Variants in ALMS1 observed in about 807,000 individuals in gnomAD.
ALMS1 encodes the protein centrosome-associated protein ALMS1.
ALMS1 carries 271 observed loss-of-function variants against 352.2 expected under a neutral mutation model. That is an observed-to-expected ratio of 0.77 (90% CI 0.70 to 0.85). The LOEUF is 0.85. ALMS1 is among the 40% of genes least tolerant of loss of function. ALMS1 has a pLI of 0.00. For synonymous variants in ALMS1, 1,865 were observed against 1,761.2 expected, an observed-to-expected ratio of 1.06 and a Z score of -1.48; for missense variants, 5,445 against 4,870.7, an observed-to-expected ratio of 1.12 and a Z score of -3.51.
chr2:73,583,039 T>TA (rs1675221932), intron 16 of ALMS1, among the ~76,000 whole-genome samples: 2 of 132,474 alleles, frequency 1.5e-5, no homozygotes, highest in African/African-American at 7.0e-5. Context: ...TACCAACACT[T>TA]GTTTTTTTTT....
chr2:73,423,133 A>G lies in ALMS1; in HGVS notation c.764+159A>G, dbSNP rs1464162368. The stretch of plus-strand genomic sequence containing the variant: ...AGTCCTGTACTAAGACTTGATGCAT[A>G]TTAATTTGGCAGAGTAACGTATGTG... On this transcript the variant is annotated intron_variant, in intron 4 of 22. Transcript: ENST00000613296. 2.0e-5 allele frequency among the ~76,000 whole-genome samples: 3 copies of G among 152,232 alleles called. 1 individual carries two copies. Among genetic ancestry groups the G allele is most frequent in the Admixed American group, 1.3e-4 (2 of 15,278 alleles).
Position 73,451,268 on chromosome 2 carries a change from T to C in ALMS1, c.4741T>C (p.Tyr1581His). Reference protein sequence around the residue: ...YSFGEKPIVNYKQAFPDGHLP... With the variant: ...YSFGEKPIVNHKQAFPDGHLP... ...ATTTGGAGAGAAGCCGATTGTTAAC[T>C]ACAAACAGGCCTTTCCAGATGGTCA... The change falls in exon 8 of 23, where the codon TAC becomes CAC. Residue 1581 changes from tyrosine (Y) to histidine (H), a missense_variant. Transcript: ENST00000613296. 6.2e-7 allele frequency: 1 copy of C among 1,614,034 alleles called. No homozygotes were observed. Among genetic ancestry groups the C allele is most frequent in the Non-Finnish European group, 8.5e-7 (1 of 1,179,974 alleles).
Position 73,426,681 on chromosome 2 carries a change from G to A in ALMS1, c.1338+128G>A, listed in dbSNP as rs560801615. 95 of 919,416 alleles carry A rather than the reference G, an allele frequency of 1.0e-4. No individual in the cohort carries two copies. The African/African-American group carries it at 1.5e-3, about 14-fold the overall frequency. 57.0% of individuals were successfully genotyped at this position (919,416 alleles called of 1,614,324 possible). On this transcript the variant is annotated intron_variant, in intron 6 of 22. Transcript: ENST00000613296. ...GGTACATGACCAATGTCATTTGACT[G>A]GTGAGTACATTGAGCTAGCAGCTTT...
rs772781647 is a variant in ALMS1, at chr2:73,451,297, A to G, written c.4770A>G (p.Leu1590=). The G allele has an allele frequency of 2.5e-6, 4 of 1,613,948 alleles. No homozygotes were observed. Among genetic ancestry groups the G allele is most frequent in the Non-Finnish European group, 3.4e-6 (4 of 1,179,984 alleles). Residue 1590 remains leucine (L), a synonymous_variant, in exon 8 of 23, where the codon CTA becomes CTG. Transcript: ENST00000613296. ...NYKQAFPDGH[L]PEEALKVSIV... ...AACAGGCCTTTCCAGATGGTCATCT[A>G]CCTGAAGAGGCTCTGAAAGTTTCCA...
intron 10 of ALMS1, among the ~76,000 whole-genome samples, chr2:73,496,041 G>C (rs1174862862): frequency 6.6e-6 from 1 of 152,152 alleles, no homozygotes. Context: ...ATATTCTTCA[G>C]TATGAGTACG....
intron 7 of ALMS1, among the ~76,000 whole-genome samples, chr2:73,438,155 C>A (rs1391005326): frequency 2.0e-5 from 3 of 152,132 alleles, no homozygotes; most frequent in Non-Finnish European, 4.4e-5. Flanking sequence ...GGCAGCAATC[C>A]CTCCCTCATC....
chr2:73,490,067 C>A lies in ALMS1; in HGVS notation c.8108C>A (p.Pro2703Gln). The A allele has an allele frequency of 6.2e-7, 1 of 1,614,120 alleles. No homozygotes were observed. Among genetic ancestry groups the A allele is most frequent in the Non-Finnish European group, 8.5e-7 (1 of 1,180,018 alleles). Reference protein sequence around the residue: ...EVDFHSSSQMPSPEPMKKFTT... With the variant: ...EVDFHSSSQMQSPEPMKKFTT... Reference sequence around the variant, plus strand: ...GATTTTCATTCTTCATCACAAATGCCGTCCCCAGAACCCATGAAAAAGTTT... The same window carrying A: ...GATTTTCATTCTTCATCACAAATGCAGTCCCCAGAACCCATGAAAAAGTTT... Residue 2703 changes from proline (P) to glutamine (Q), a missense_variant, in exon 10 of 23, where the codon CCG (proline) becomes CAG (glutamine). Pro to Gln is a moderately conservative substitution (Grantham distance 76, BLOSUM62 -1). Coordinates refer to ENST00000613296, the MANE Select transcript of ALMS1 (RefSeq NM_001378454.1).
intron 11 of ALMS1, among the ~76,000 whole-genome samples, chr2:73,523,923 A>T (rs1350562174): frequency 6.6e-6 from 1 of 152,150 alleles, no homozygotes; most frequent in East Asian, 1.9e-4. Flanking sequence ...ATAAGAGAAA[A>T]CCGTGGTCTA....
At chr2:73,477,561 C>G (rs566031372) in intron 9 of ALMS1, among the ~76,000 whole-genome samples, 5 of 151,506 alleles carry the variant, frequency 3.3e-5, no homozygotes, top group African/African-American at 9.7e-5. Context: ...GGAAATATTA[C>G]CACTTGAATC....
chr2:73,489,551 A>G, intron 9 of ALMS1, 83 bp from the exon 10 acceptor site: 1 of 1,510,498 alleles, frequency 6.6e-7, no homozygotes, highest in Non-Finnish European at 9.2e-7. Flanking sequence ...TAGCGTGGGT[A>G]TAAAACTGAT....
intron 10 of ALMS1, among the ~76,000 whole-genome samples, chr2:73,510,004 G>C (rs1438434581): frequency 6.6e-6 from 1 of 152,070 alleles, no homozygotes; most frequent in Non-Finnish European, 1.5e-5. Flanking sequence ...CCACTTGGTC[G>C]ATTCAGCTAT....
At chr2:73,566,614 G>A (rs1674805851) in intron 15 of ALMS1, among the ~76,000 whole-genome samples, 1 of 152,150 alleles carries the variant, frequency 6.6e-6, no homozygotes, top group Non-Finnish European at 1.5e-5. Context: ...CACAGATAAG[G>A]GGGACTACTG....
rs1021119088 is a variant in ALMS1, at chr2:73,454,088, T to G, written c.7540+21T>G. On this transcript the variant is annotated intron_variant, in intron 8 of 22. Coordinates refer to ENST00000613296, the MANE Select transcript of ALMS1 (RefSeq NM_001378454.1). ...ACATGGTAAGAAGAAAGTTTCAGGCTTATAAACGTTATAGTTTAATAATGT... is the reference window on the plus strand; with the variant it reads ...ACATGGTAAGAAGAAAGTTTCAGGCGTATAAACGTTATAGTTTAATAATGT... 1.9e-6 allele frequency: 3 copies of G among 1,584,586 alleles called. No homozygotes were observed. The Admixed American group carries it at 5.3e-5, about 28-fold the overall frequency.
chr2:73,450,142 C>T lies in ALMS1; in HGVS notation c.3615C>T (p.Thr1205=). The part of the protein sequence containing the change: ...REKPGIFYQQ[T]LPGSHIPEEA... Reference sequence around the variant, plus strand: ...AACCTGGTATTTTCTATCAACAGACCTTGCCAGGTAGTCACATACCTGAAG... The same window carrying T: ...AACCTGGTATTTTCTATCAACAGACTTTGCCAGGTAGTCACATACCTGAAG... The change falls in exon 8 of 23, where the codon ACC becomes ACT. Residue 1205 remains threonine, a synonymous_variant. Coordinates refer to ENST00000613296, the MANE Select transcript of ALMS1 (RefSeq NM_001378454.1). 1 of 1,614,016 alleles carries T rather than the reference C, an allele frequency of 6.2e-7. No individual in the cohort carries two copies. Among genetic ancestry groups the T allele is most frequent in the South Asian group, 1.1e-5 (1 of 91,070 alleles).
chr2:73,391,419 G>A (rs1036375307), intron 1 of ALMS1, among the ~76,000 whole-genome samples: 1 of 148,052 alleles, frequency 6.8e-6, no homozygotes, highest in Admixed American at 6.8e-5. Context: ...TCAGCCTCCC[G>A]AGTAGCTGCG....
In ALMS1 at chr2:73,490,870, A is replaced by C. The variant is rs746825059; in HGVS notation, c.8911A>C (p.Ser2971Arg). Residue 2971 changes from serine (S) to arginine (R), a missense_variant, in exon 10 of 23, where the codon AGC becomes CGC. Physicochemically the swap from Ser to Arg is moderately radical, Grantham distance 110 (BLOSUM62 -1). Transcript: ENST00000613296. ...TCCCATTTCTCTTGAACAATGCCAA[A>C]GCAAAGCGCCAGGTGTAGATGACCA... is the stretch of plus-strand genomic sequence containing the variant. ...PSPISLEQCQ[S>R]KAPGVDDQMN... The C allele has an allele frequency of 1.2e-6, 2 of 1,614,128 alleles. No homozygotes were observed. Among genetic ancestry groups the C allele is most frequent in the South Asian group, 1.1e-5 (1 of 91,080 alleles).
chr2:73,571,281 A>G (rs182527466), intron 15 of ALMS1, among the ~76,000 whole-genome samples: 5 of 152,330 alleles, frequency 3.3e-5, no homozygotes, highest in African/African-American at 1.2e-4. Flanking sequence ...GTTTCTGCCC[A>G]TGATGTAGAA....
At chr2:73,417,422 G>A (rs776158994) in intron 2 of ALMS1, among the ~76,000 whole-genome samples, 2 of 152,102 alleles carry the variant, frequency 1.3e-5, no homozygotes, top group Non-Finnish European at 1.5e-5. Flanking sequence ...ACAGAACAAC[G>A]TTATGAAACA....
chr2:73,563,721 T>C (rs1276111890), intron 15 of ALMS1, among the ~76,000 whole-genome samples: 11 of 83,182 alleles, frequency 1.3e-4, no homozygotes, highest in Non-Finnish European at 2.2e-4. Flanking sequence ...AGACTCCATC[T>C]CAAAAAAAAA....
Sources: allele counts gnomAD v4.1 joint callset (sites outside exome capture counted in the v4.1 genomes callset), GRCh38; gene constraint gnomAD v4.1.1; transcripts MANE v1.5; gene names NCBI Gene and HGNC (gene_info 2026-07-23, HGNC 2026-07-21).